Variants in ABCD3 observed in about 807,000 individuals in gnomAD.
ABCD3 encodes ATP binding cassette subfamily D member 3, also known as ATP-binding cassette sub-family D member 3.
ABCD3 carries 41 observed loss-of-function variants against 105.5 expected under a neutral mutation model. The observed-to-expected ratio is 0.39, with a 90% confidence interval of 0.30 to 0.50. The LOEUF is 0.50. ABCD3 is among the 20% of genes least tolerant of loss of function. The pLI is 0.84. For synonymous variants in ABCD3, 258 were observed against 269.0 expected (o/e 0.96, Z 0.40); for missense variants, 622 against 806.3 (o/e 0.77, Z 2.77).
At chr1:94,435,153 A>T (rs971855012) in intron 1 of ABCD3, among the ~76,000 whole-genome samples, 1 of 152,084 alleles carries the variant, frequency 6.6e-6, no homozygotes. Flanking sequence ...ATAAATTGGT[A>T]GTTGGATCTA....
chr1:94,474,724 GTT>G (rs4148070), intron 5 of ABCD3, among the ~76,000 whole-genome samples: 1 of 146,472 alleles, frequency 6.8e-6, no homozygotes, highest in Non-Finnish European at 1.5e-5. Flanking sequence ...AACCTGTAGT[GTT>G]TTTTTTTTTT....
chr1:94,496,860 C>T (rs905078369), intron 16 of ABCD3, among the ~76,000 whole-genome samples: 4 of 150,604 alleles, frequency 2.7e-5, no homozygotes, highest in African/African-American at 7.3e-5. Context: ...CTCTGCCTCT[C>T]GGGTTCAAGC....
chr1:94,455,821 A>C, intron 1 of ABCD3: 6 of 1,282,982 alleles, frequency 4.7e-6, no homozygotes, highest in Non-Finnish European at 5.1e-6. Context: ...GTGTGTGTAC[A>C]TGTGTATATA....
At chr1:94,431,063 T>G (rs1421904051) in intron 1 of ABCD3, among the ~76,000 whole-genome samples, 1 of 152,244 alleles carries the variant, frequency 6.6e-6, no homozygotes, top group Admixed American at 6.5e-5. Context: ...TAAAATCATA[T>G]TAGCATATTG....
In ABCD3 at chr1:94,432,821, G is replaced by C. The variant is rs113346202; in HGVS notation, c.110+14233G>C. Among the ~76,000 whole-genome samples the C allele has an allele frequency of 6.6e-4, 100 of 151,810 alleles. 1 individual carries two copies. Among genetic ancestry groups the C allele is most frequent in the Middle Eastern group, 3.4e-3 (1 of 292 alleles). On this transcript the variant is annotated intron_variant, in intron 1 of 22. Transcript: ENST00000370214. ...AAGTCATGCATTGCTTAACAATGGA[G>C]ATGTCTTCTGAGAAATGCACTGTTA...
chr1:94,442,170 GTAT>G (rs1411368082), intron 1 of ABCD3, among the ~76,000 whole-genome samples: 1 of 152,166 alleles, frequency 6.6e-6, no homozygotes, highest in Non-Finnish European at 1.5e-5. Context: ...AGAATTCAGT[GTAT>G]TATTCTAGCA....
At chr1:94,456,653 G>A (rs1570768600) in intron 1 of ABCD3, among the ~76,000 whole-genome samples, 7 of 151,648 alleles carry the variant, frequency 4.6e-5, no homozygotes, top group African/African-American at 1.7e-4. Context: ...ATCTCTCGAT[G>A]GACATTTAGG....
intron 20 of ABCD3, among the ~76,000 whole-genome samples, chr1:94,505,124 G>A (rs188930118): frequency 4.6e-5 from 7 of 152,276 alleles, no homozygotes; most frequent in Admixed American, 2.6e-4. Context: ...GACTTTTAAC[G>A]TTTGAGAGTC....
At chr1:94,442,339 A>G (rs1449101521) in intron 1 of ABCD3, among the ~76,000 whole-genome samples, 1 of 152,188 alleles carries the variant, frequency 6.6e-6, no homozygotes, top group African/African-American at 2.4e-5. Flanking sequence ...TTTATGGAAC[A>G]CTATTTTATA....
At chr1:94,404,941 AAAAAAAAAAAG>A in the ABCD3 span, among the ~76,000 whole-genome samples, 1 of 151,334 alleles carries the variant, frequency 6.6e-6, no homozygotes, top group East Asian at 1.9e-4. Context: ...CCATCTCGAA[AAAAAAAAAAAG>A]AAAAAAAAAA....
At chr1:94,478,358 A>C in intron 8 of ABCD3, 43 bp downstream of exon 8, 1 of 1,429,196 alleles carries the variant, frequency 7.0e-7, no homozygotes, top group Non-Finnish European at 9.8e-7. Flanking sequence ...ATATAATATA[A>C]TATTTGAAAT....
rs905521159 is a variant in ABCD3, at chr1:94,475,536, G to A, written c.504-78G>A. 1.2e-5 allele frequency: 17 copies of A among 1,437,536 alleles called. No individual in the cohort carries two copies. The Admixed American group carries it at 1.2e-4, about 10-fold the overall frequency. The allele number at this position is 1,437,536 out of a possible 1,614,324, so 89.0% of individuals were successfully genotyped here. On this transcript the variant is annotated intron_variant, in intron 6 of 22. Transcript: ENST00000370214. ...TGTTTCTATGTATTTGAGCTAGGTGGTGTAATATGATTTTTTTGTTGTTGT... is the reference window on the plus strand; with the variant it reads ...TGTTTCTATGTATTTGAGCTAGGTGATGTAATATGATTTTTTTGTTGTTGT...
chr1:94,388,270 C>T, the ABCD3 span, among the ~76,000 whole-genome samples: 6 of 152,192 alleles, frequency 3.9e-5, no homozygotes, highest in East Asian at 1.2e-3. Flanking sequence ...CTAACGTCTA[C>T]ATGAACAGAA....
At chr1:94,432,959 A>C (rs759799439) in intron 1 of ABCD3, among the ~76,000 whole-genome samples, 1 of 151,796 alleles carries the variant, frequency 6.6e-6, no homozygotes, top group Non-Finnish European at 1.5e-5. Flanking sequence ...GGTTCAAGCA[A>C]TTCTCCTGCC....
intron 2 of ABCD3, among the ~76,000 whole-genome samples, chr1:94,460,964 T>C (rs578062007): frequency 6.6e-6 from 1 of 152,250 alleles, no homozygotes; most frequent in East Asian, 1.9e-4. Flanking sequence ...TTCATTTTAC[T>C]CATTTTTTTC....
chr1:94,425,846 T>G (rs1328788520), intron 1 of ABCD3, among the ~76,000 whole-genome samples: 1 of 152,222 alleles, frequency 6.6e-6, no homozygotes, highest in African/African-American at 2.4e-5. Context: ...TAGTTTGGCA[T>G]AGTGTTAAAG....
intron 1 of ABCD3, among the ~76,000 whole-genome samples, chr1:94,452,109 A>T (rs1233917577): frequency 1.3e-5 from 2 of 152,178 alleles, no homozygotes; most frequent in Admixed American, 1.3e-4. Flanking sequence ...GTCACCATGT[A>T]ATTTATTATC....
intron 7 of ABCD3, among the ~76,000 whole-genome samples, chr1:94,476,285 T>C (rs867561026): frequency 6.6e-6 from 1 of 152,150 alleles, no homozygotes; most frequent in Admixed American, 6.6e-5. Flanking sequence ...CAGTTTTCCT[T>C]CTTCTCACTG....
At chr1:94,516,759 A>G (rs532966511) in intron 22 of ABCD3, among the ~76,000 whole-genome samples, 86 of 151,978 alleles carry the variant, frequency 5.7e-4, no homozygotes, top group African/African-American at 2.0e-3. Flanking sequence ...TTTCCCCTCT[A>G]CTAAATTAAA....
Sources: allele counts gnomAD v4.1 joint callset (sites outside exome capture counted in the v4.1 genomes callset), GRCh38; gene constraint gnomAD v4.1.1; transcripts MANE v1.5; gene names NCBI Gene and HGNC (gene_info 2026-07-23, HGNC 2026-07-21).